Variants in C10orf67 observed in about 807,000 individuals in gnomAD.
C10orf67 encodes the protein uncharacterized protein C10orf67, mitochondrial.
In C10orf67, 60 loss-of-function variants were observed where a neutral mutation model predicts 35.6. That is an observed-to-expected ratio of 1.68 (90% CI 1.37 to 2.09). C10orf67 has a LOEUF of 2.09. C10orf67 is among the 30% of genes most tolerant of loss of function. The probability of loss-of-function intolerance (pLI) is 0.00; values close to 1 mark genes in which losing one functional copy is unlikely to be tolerated. For missense variants in C10orf67, 474 were observed against 330.2 expected, an observed-to-expected ratio of 1.44 and a Z score of -3.38; for synonymous variants, 167 against 115.8, an observed-to-expected ratio of 1.44 and a Z score of -2.84.
chr10:23,250,512 T>A lies in C10orf67; in HGVS notation c.1289A>T (p.Lys430Met), dbSNP rs150806544. ...GCTTTTATTTAGTCGATCAGCTTCC[T>A]TCCTAAACCTATAAAAAATTTACAG... ...NEKKKVERFRKEADRLNKSWE... is the reference protein window; with the variant it reads ...NEKKKVERFRMEADRLNKSWE... The change falls in exon 12 of 16, where the codon AAG (lysine) becomes ATG (methionine). Residue 430 changes from lysine (K) to methionine (M), a missense_variant. Transcript: ENST00000636213. 54 of 398,640 alleles carry A rather than the reference T, an allele frequency of 1.4e-4. No individual in the cohort carries two copies. The Middle Eastern group carries it at 2.5e-3, about 19-fold the overall frequency. 24.7% of individuals were successfully genotyped at this position (398,640 alleles called of 1,614,324 possible). A position where few individuals can be genotyped will look rare whatever the true frequency, so the allele number is the denominator to read the frequency against.
chr10:23,203,302 A>G lies in C10orf67; in HGVS notation c.*871T>C, dbSNP rs188924575. The stretch of plus-strand genomic sequence containing the variant: ...GTTGAAAAGAACACGTCTCTCTCCA[A>G]TTAAATCTTGTTCCTTTTACGCACA... On this transcript the variant is annotated 3_prime_UTR_variant, in exon 16 of 16. Transcript: ENST00000636213. The G allele has an allele frequency of 2.0e-5, 3 of 152,380 alleles. No homozygotes were observed. The East Asian group carries it at 5.8e-4, about 29-fold the overall frequency. 9.4% of individuals were successfully genotyped at this position (152,380 alleles called of 1,614,324 possible).
At chr10:23,306,530 G>GA (rs61468201) in intron 4 of C10orf67, among the ~76,000 whole-genome samples, 7,618 of 56,216 alleles carry the variant, frequency 0.14, 735 homozygotes, top group East Asian at 0.61. Context: ...CTCCATCTCA[G>GA]AAAAAAAAAA....
intron 7 of C10orf67, among the ~76,000 whole-genome samples, chr10:23,285,305 G>A (rs1189000871): frequency 3.4e-5 from 5 of 148,338 alleles, no homozygotes; most frequent in African/African-American, 5.0e-5. Context: ...TGAAAAGAAA[G>A]ACAGAATTAA....
intron 5 of C10orf67, among the ~76,000 whole-genome samples, chr10:23,293,183 C>T (rs948686788): frequency 2.0e-5 from 3 of 152,158 alleles, no homozygotes; most frequent in Non-Finnish European, 4.4e-5. Context: ...CAAATGGTAG[C>T]AGCTAATACC....
chr10:23,289,712 A>C (rs1438447105), intron 7 of C10orf67, among the ~76,000 whole-genome samples, 188 bp downstream of exon 7: 1 of 152,240 alleles, frequency 6.6e-6, no homozygotes, highest in African/African-American at 2.4e-5. Context: ...GTATCTATAC[A>C]TCCGTGAGTT....
intron 13 of C10orf67, among the ~76,000 whole-genome samples, chr10:23,226,590 AG>A (rs1334986132): frequency 6.6e-6 from 1 of 152,208 alleles, no homozygotes; most frequent in Non-Finnish European, 1.5e-5. Context: ...AACTAAGATC[AG>A]AGCAGAACTG....
chr10:23,256,199 G>T (rs761999648), intron 10 of C10orf67, among the ~76,000 whole-genome samples: 3 of 152,068 alleles, frequency 2.0e-5, no homozygotes, highest in Non-Finnish European at 4.4e-5. Context: ...AAGAAGTCTT[G>T]CTATGTTCCC....
intron 4 of C10orf67, among the ~76,000 whole-genome samples, chr10:23,314,402 A>C (rs1284244908): frequency 1.3e-5 from 2 of 151,474 alleles, no homozygotes; most frequent in Admixed American, 1.3e-4. Context: ...TGGTAGGATC[A>C]CTTGAGGCCA....
chr10:23,236,794 T>C (rs78709495), intron 13 of C10orf67, among the ~76,000 whole-genome samples: 14,259 of 152,136 alleles, frequency 0.094, 1,474 homozygotes, highest in East Asian at 0.6. Flanking sequence ...GGAGAATCGC[T>C]TAAACCTGGG....
At chr10:23,339,114 T>A (rs910074656) in intron 1 of C10orf67, among the ~76,000 whole-genome samples, 3 of 152,158 alleles carry the variant, frequency 2.0e-5, no homozygotes, top group African/African-American at 7.2e-5. Context: ...GGTTTGGAAG[T>A]CTTAGTTCAC....
rs902505817 is a variant in C10orf67 at position 23,297,356 on chromosome 10, A to T, written c.702+5948T>A. Among the ~76,000 whole-genome samples, 12 of 151,436 alleles carry T rather than the reference A, an allele frequency of 7.9e-5. No homozygotes were observed. The East Asian group carries it at 2.3e-3, about 30-fold the overall frequency. ...TTCCCTAATGGCTTCCTGATGTTTG[A>T]TAGGTGTTCCCTCGGAAGTTAGGAA... On this transcript the variant is annotated intron_variant, in intron 5 of 15. Transcript: ENST00000636213.
intron 10 of C10orf67, among the ~76,000 whole-genome samples, chr10:23,260,894 CA>C (rs940838826): frequency 2.9e-4 from 44 of 152,146 alleles, no homozygotes; most frequent in African/African-American, 1.1e-3. Context: ...AATTTTAATA[CA>C]AAAAGACCTT....
intron 10 of C10orf67, 109 bp from the exon 11 acceptor site, chr10:23,250,800 A>G (rs1842428185): frequency 2.5e-6 from 1 of 395,130 alleles, no homozygotes; most frequent in African/African-American, 2.1e-5. Context: ...TCTAACTACT[A>G]TCAAACATAA....
At chr10:23,217,741 C>A (rs143635388) in intron 15 of C10orf67, among the ~76,000 whole-genome samples, 5 of 151,988 alleles carry the variant, frequency 3.3e-5, no homozygotes, top group Admixed American at 6.6e-5. Context: ...ATAAGGAATG[C>A]GATTAGTGGT....
chr10:23,344,638 C>A lies in C10orf67; in HGVS notation c.137G>T (p.Arg46Leu), dbSNP rs199944244. The A allele has an allele frequency of 5.7e-6, 9 of 1,581,144 alleles. No individual in the cohort carries two copies. The highest frequency in any genetic ancestry group is 4.7e-5 in the East Asian group (2 of 42,902). Residue 46 changes from arginine to leucine, a missense_variant, in exon 1 of 16, where the codon CGG becomes CTG. By Grantham distance (102) the Arg-to-Leu change is moderately radical (BLOSUM62 -2). Transcript: ENST00000636213. ...EAMKAKATEL[R>L]VCCARRKREA... ...TCGCTTCCTACGCGCGCAGCAGACC[C>A]GCAGCTCGGTGGCCTTGGCTTTCAT...
chr10:23,340,579 G>C (rs1242010144), intron 1 of C10orf67, among the ~76,000 whole-genome samples: 1 of 152,152 alleles, frequency 6.6e-6, no homozygotes, highest in Admixed American at 6.6e-5. Flanking sequence ...GATTTCACCA[G>C]TCCTAACTCT....
At chr10:23,232,573 G>A (rs147454190) in intron 13 of C10orf67, among the ~76,000 whole-genome samples, 3 of 152,240 alleles carry the variant, frequency 2.0e-5, no homozygotes, top group African/African-American at 7.2e-5. Flanking sequence ...CATGGGCTTA[G>A]ACTATTGGAT....
intron 13 of C10orf67, among the ~76,000 whole-genome samples, chr10:23,228,375 C>T (rs984942279): frequency 1.4e-4 from 22 of 152,094 alleles, no homozygotes; most frequent in Non-Finnish European, 2.8e-4. Context: ...GCTGGGAAAA[C>T]TGGCTAGCCA....
At chr10:23,302,967 A>G (rs1156303276) in intron 5 of C10orf67, among the ~76,000 whole-genome samples, 2 of 152,216 alleles carry the variant, frequency 1.3e-5, no homozygotes, top group Non-Finnish European at 2.9e-5. Flanking sequence ...TTGACTGCAA[A>G]AAAAGGTGGG....
Sources: gnomAD v4.1 joint callset for allele counts (sites outside exome capture counted in the v4.1 genomes callset) on GRCh38, gnomAD v4.1.1 for gene constraint, MANE v1.5 for transcripts, NCBI Gene and HGNC (gene_info 2026-07-23, HGNC 2026-07-21) for gene names.